Variants in PDE8A observed in about 807,000 individuals in gnomAD.
PDE8A encodes the protein phosphodiesterase 8A.
In PDE8A, 59 loss-of-function variants were observed where a neutral mutation model predicts 105.0. The ratio of observed to expected loss-of-function variants is 0.56; its 90% CI spans 0.46 to 0.70. The LOEUF (loss-of-function observed/expected upper bound fraction) is 0.70. Among genes scored for constraint, PDE8A ranks in the 30% least tolerant of loss-of-function variants. PDE8A has a pLI of 0.00. For synonymous variants in PDE8A, 355 were observed against 371.9 expected (o/e 0.95, Z 0.52); for missense variants, 1,014 against 1,045.9 (o/e 0.97, Z 0.42).
At position 85,123,335 on chromosome 15, in the gene PDE8A, G is replaced by GAT. The variant is rs1453695167; in HGVS notation, c.2085+144_2085+145dup. ...ACTCTTACAGGGACAGAACTAATGG[G>GAT]ATACACACACACACACACACACACA... On this transcript the variant is annotated intron_variant, in intron 19 of 21. Transcript: ENST00000394553. The GAT allele has an allele frequency of 6.2e-6, 3 of 480,180 alleles. No homozygotes were observed. In the East Asian group the frequency reaches 1.0e-4, roughly 16 times the overall value. The allele number at this position is 480,180 out of a possible 1,614,324, so 29.7% of individuals were successfully genotyped here. A position where few individuals can be genotyped will look rare whatever the true frequency, so the allele number is the denominator to read the frequency against.
chr15:84,997,358 T>G (rs1336836471), intron 1 of PDE8A, among the ~76,000 whole-genome samples: 2 of 152,022 alleles, frequency 1.3e-5, no homozygotes, highest in Non-Finnish European at 2.9e-5. Context: ...CATGCCTGGC[T>G]AATTTTTTGT....
chr15:84,981,828 A>T (rs1407533549), upstream of PDE8A: 1 of 166,430 alleles, frequency 6.0e-6, no homozygotes, highest in Non-Finnish European at 1.3e-5. Flanking sequence ...GGAGAGCGCA[A>T]ATCTCCTCCC....
At chr15:85,097,729 C>A in intron 8 of PDE8A, 1 of 503,678 alleles carries the variant, frequency 2.0e-6, no homozygotes, top group South Asian at 2.4e-5. Flanking sequence ...TATATGACCA[C>A]TTAGACTATG....
rs1349994886 is a variant in PDE8A at position 84,982,101 on chromosome 15, G to T, written c.-62G>T. The T allele has an allele frequency of 6.2e-5, 69 of 1,113,284 alleles. No individual in the cohort carries two copies. Among genetic ancestry groups the T allele is most frequent in the South Asian group, 4.7e-4 (11 of 23,482 alleles). 69.0% of individuals were successfully genotyped at this position (1,113,284 alleles called of 1,614,324 possible). A position where few individuals can be genotyped will look rare whatever the true frequency, so the allele number is the denominator to read the frequency against. On this transcript the variant is annotated 5_prime_UTR_variant, in exon 1 of 22. Transcript: ENST00000394553. Reference sequence around the variant, plus strand: ...GCCCGCGGCGGCCCGGAGGCGCCGGGTGGGCCGTTTGCTGACCGGATCGCG... The same window carrying T: ...GCCCGCGGCGGCCCGGAGGCGCCGGTTGGGCCGTTTGCTGACCGGATCGCG...
chr15:85,091,259 A>G, intron 8 of PDE8A, 78 bp downstream of exon 8: 1 of 1,261,056 alleles, frequency 7.9e-7, no homozygotes, highest in African/African-American at 1.5e-5. Context: ...GAGTACTACC[A>G]GGTAATCTTA....
chr15:84,996,544 G>T (rs774724203), intron 1 of PDE8A, among the ~76,000 whole-genome samples: 1 of 151,978 alleles, frequency 6.6e-6, no homozygotes, highest in Non-Finnish European at 1.5e-5. Flanking sequence ...TAAAAAATGG[G>T]CTGGGCATGG....
chr15:85,083,887 G>C (rs952264555), intron 6 of PDE8A, among the ~76,000 whole-genome samples: 12 of 152,128 alleles, frequency 7.9e-5, no homozygotes, highest in Non-Finnish European at 1.8e-4. Flanking sequence ...AGTTTAAAAA[G>C]CAGAATACAA....
intron 1 of PDE8A, among the ~76,000 whole-genome samples, chr15:84,989,377 G>GC (rs1426832556): frequency 1.3e-5 from 2 of 152,208 alleles, no homozygotes; most frequent in East Asian, 1.9e-4. Context: ...TTCACTGCTT[G>GC]CCTTCTCCCT....
chr15:85,019,491 C>A (rs1010609250), intron 1 of PDE8A, among the ~76,000 whole-genome samples: 1 of 152,098 alleles, frequency 6.6e-6, no homozygotes, highest in Non-Finnish European at 1.5e-5. Context: ...TGGGCTCAAA[C>A]GATCCACGTA....
Position 84,981,948 on chromosome 15 carries a change from G to C in PDE8A, c.-215G>C. On this transcript the variant is annotated 5_prime_UTR_variant, in exon 1 of 22. Coordinates refer to ENST00000394553, the MANE Select transcript of PDE8A (RefSeq NM_002605.3). ...GAGGGGCGGCCTCGGCACGCCACCC[G>C]CCTAAGCGCCCCCTTCCCACCGCAG... 3.7e-6 allele frequency: 1 copy of C among 273,298 alleles called. No individual in the cohort carries two copies. The highest frequency in any genetic ancestry group is 6.8e-6 in the Non-Finnish European group (1 of 147,542). 16.9% of individuals were successfully genotyped at this position (273,298 alleles called of 1,614,324 possible).
Position 85,091,080 on chromosome 15 carries a change from C to T in PDE8A, c.751C>T (p.Gln251Ter). The change falls in exon 8 of 22, where the codon CAG (glutamine) becomes TAG (stop). Residue 251 changes from glutamine to a stop codon, truncating the protein, a stop_gained. Coordinates refer to ENST00000394553, the MANE Select transcript of PDE8A (RefSeq NM_002605.3). LOFTEE classifies it high-confidence loss of function. ...NPAFETTMGY[Q>*]SGELIGKELG... ...TGCATTTGAAACAACAATGGGCTAT[C>T]AGTCAGGTGAATTAATAGGGAAGGA... is the stretch of plus-strand genomic sequence containing the variant. 6.2e-7 allele frequency: 1 copy of T among 1,611,920 alleles called. No homozygotes were observed. The highest frequency in any genetic ancestry group is 8.5e-7 in the Non-Finnish European group (1 of 1,178,478).
In PDE8A at chr15:85,021,807, T is replaced by C. The variant is rs115502970; in HGVS notation, c.186+39459T>C. The stretch of plus-strand genomic sequence containing the variant: ...TAGGATTTTCCTTATGTTTGCTTTG[T>C]CTCCTGTTTTCTTGTGATAGATTCA... On this transcript the variant is annotated intron_variant, in intron 1 of 21. Transcript: ENST00000394553. 6.0e-3 allele frequency among the ~76,000 whole-genome samples: 913 copies of C among 152,290 alleles called. 7 individuals are homozygous for C. The highest frequency in any genetic ancestry group is 0.021 in the African/African-American group (873 of 41,540).
intron 5 of PDE8A, 127 bp downstream of exon 5, chr15:85,076,914 C>G: frequency 1.5e-6 from 1 of 656,930 alleles, no homozygotes; most frequent in Non-Finnish European, 2.8e-6. Flanking sequence ...GGCGTGGTGG[C>G]TCATACCTGT....
In PDE8A at chr15:85,124,673, A is replaced by G. The variant is rs542144243; in HGVS notation, c.2085+1480A>G. On this transcript the variant is annotated intron_variant, in intron 19 of 21. Transcript: ENST00000394553. ...TTCTTCACCCTTTCCTGTTCTCTCA[A>G]TTTGTCAGCCTGCCCCTGACTTCAC... 9.4e-4 allele frequency among the ~76,000 whole-genome samples: 143 copies of G among 152,152 alleles called. 1 individual carries two copies. The South Asian group carries it at 0.024, about 26-fold the overall frequency.
At chr15:84,984,966 A>T (rs1477776082) in intron 1 of PDE8A, among the ~76,000 whole-genome samples, 1 of 151,930 alleles carries the variant, frequency 6.6e-6, no homozygotes, top group Non-Finnish European at 1.5e-5. Flanking sequence ...AGCATTTGGG[A>T]TAAGAGATAT....
At chr15:85,091,020 G>A (rs1427580339) in intron 7 of PDE8A, 24 bp from the exon 8 acceptor site, 1 of 1,590,408 alleles carries the variant, frequency 6.3e-7, no homozygotes, top group Non-Finnish European at 8.6e-7. Flanking sequence ...TTCACTTTAT[G>A]TTTTTTCTTT....
intron 1 of PDE8A, among the ~76,000 whole-genome samples, chr15:85,007,803 C>T (rs1395866267): frequency 3.3e-5 from 5 of 151,914 alleles, no homozygotes; most frequent in African/African-American, 4.8e-5. Flanking sequence ...ATTATAAATG[C>T]GAATATGTAT....
chr15:84,982,235 C>G lies in PDE8A; in HGVS notation c.73C>G (p.Pro25Ala), dbSNP rs1477742521. Residue 25 changes from proline to alanine, a missense_variant, in exon 1 of 22, where the codon CCG (proline) becomes GCG (alanine). Transcript: ENST00000394553. ...AEDAPSPAAPPLSSGGPRLPQ... is the reference protein window; with the variant it reads ...AEDAPSPAAPALSSGGPRLPQ... ...GGACGCGCCTAGCCCCGCGGCACCG[C>G]CGCTGTCGTCCGGCGGGCCGCGCCT... 1 of 1,467,850 alleles carries G rather than the reference C, an allele frequency of 6.8e-7. No individual in the cohort carries two copies. The highest frequency in any genetic ancestry group is 2.5e-5 in the Admixed American group (1 of 39,734). 90.9% of individuals were successfully genotyped at this position (1,467,850 alleles called of 1,614,324 possible).
At chr15:85,069,989 C>T (rs1251090450) in intron 3 of PDE8A, among the ~76,000 whole-genome samples, 1 of 152,122 alleles carries the variant, frequency 6.6e-6, no homozygotes, top group East Asian at 1.9e-4. Context: ...TAAGATCATC[C>T]CTTTAAGGAT....
Sources: gnomAD v4.1 joint callset for allele counts (sites outside exome capture counted in the v4.1 genomes callset) on GRCh38, gnomAD v4.1.1 for gene constraint, MANE v1.5 for transcripts, NCBI Gene and HGNC (gene_info 2026-07-23, HGNC 2026-07-21) for gene names.